The following EPC2 variants were observed in gnomAD, a reference collection of about 807,000 sequenced individuals.
EPC2 encodes the protein enhancer of polycomb homolog 2.
A neutral mutation model predicts 92.1 loss-of-function variants in EPC2; 14 were observed. That is an observed-to-expected ratio of 0.15 (90% confidence interval 0.10 to 0.24). The LOEUF is 0.24. Among genes scored for constraint, EPC2 ranks in the 10% least tolerant of loss-of-function variants. The probability of loss-of-function intolerance (pLI) is 1.00; values close to 1 mark genes in which losing one functional copy is unlikely to be tolerated. For missense variants in EPC2, 755 were observed against 971.5 expected (o/e 0.78, Z 2.96); for synonymous variants, 340 against 334.7 (o/e 1.02, Z -0.17).
At chr2:148,656,024 T>TGTGTGTGTGTGGG (rs1553537686) in intron 1 of EPC2, among the ~76,000 whole-genome samples, 1 of 111,654 alleles carries the variant, frequency 9.0e-6, no homozygotes, top group African/African-American at 4.0e-5. Flanking sequence ...TGTGTGTGTG[T>TGTGTGTGTGTGGG]GGGGGGGGGG....
intron 2 of EPC2, among the ~76,000 whole-genome samples, chr2:148,717,862 A>G (rs1394573823): frequency 2.0e-5 from 3 of 152,132 alleles, no homozygotes; most frequent in African/African-American, 4.8e-5. Context: ...GTCTCCCACT[A>G]TTATTGTGTG....
chr2:148,645,201 TCCCTCCTCCCCCCTC>T (rs761892283), intron 1 of EPC2, 31 bp downstream of exon 1: 4 of 1,485,882 alleles, frequency 2.7e-6, no homozygotes, highest in Non-Finnish European at 3.7e-6. Context: ...TACCCCCCCT[TCCCTCCTCCCCCCTC>T]CCCTTTGTCA....
chr2:148,762,636 CA>C, intron 5 of EPC2, 33 bp from the exon 6 acceptor site: 1 of 1,480,012 alleles, frequency 6.8e-7, no homozygotes, highest in East Asian at 2.4e-5. Context: ...TCAAACTATG[CA>C]ATGTTTTCTT....
At chr2:148,695,542 A>C (rs1219790626) in intron 2 of EPC2, among the ~76,000 whole-genome samples, 1 of 152,236 alleles carries the variant, frequency 6.6e-6, no homozygotes, top group African/African-American at 2.4e-5. Flanking sequence ...GTTAAAATAG[A>C]TGCTGGCCTG....
intron 5 of EPC2, 46 bp from the exon 6 acceptor site, chr2:148,762,624 T>G (rs750766397): frequency 2.1e-5 from 29 of 1,398,550 alleles, no homozygotes; most frequent in Non-Finnish European, 2.7e-5. Flanking sequence ...CCTTCTTTAT[T>G]GTCAAACTAT....
chr2:148,785,177 G>A (rs1003643154), intron 13 of EPC2, among the ~76,000 whole-genome samples, 176 bp downstream of exon 13: 1 of 152,156 alleles, frequency 6.6e-6, no homozygotes, highest in African/African-American at 2.4e-5. Flanking sequence ...AAGGTGCCTA[G>A]TAGGATGCTT....
chr2:148,669,175 A>G (rs1323628184), intron 1 of EPC2, among the ~76,000 whole-genome samples: 22 of 152,104 alleles, frequency 1.4e-4, no homozygotes. Flanking sequence ...TACATTTAAT[A>G]TGATTTTTAG....
At chr2:148,652,945 C>T (rs933257943) in intron 1 of EPC2, among the ~76,000 whole-genome samples, 3 of 152,134 alleles carry the variant, frequency 2.0e-5, no homozygotes, top group African/African-American at 4.8e-5. Flanking sequence ...TACTTTTAGT[C>T]TTTACCACTT....
At chr2:148,702,002 G>T (rs1681898712) in intron 2 of EPC2, among the ~76,000 whole-genome samples, 1 of 151,964 alleles carries the variant, frequency 6.6e-6, no homozygotes, top group East Asian at 1.9e-4. Flanking sequence ...TAGTTGTTCT[G>T]TGCTTATCAT....
intron 1 of EPC2, among the ~76,000 whole-genome samples, chr2:148,689,986 T>TAA (rs11371312): frequency 6.6e-6 from 1 of 151,730 alleles, no homozygotes; most frequent in East Asian, 1.9e-4. Context: ...TAATTTTGTT[T>TAA]AAAAAATTCT....
At chr2:148,773,205 A>G (rs1188352025) in intron 10 of EPC2, among the ~76,000 whole-genome samples, 2 of 152,090 alleles carry the variant, frequency 1.3e-5, no homozygotes, top group African/African-American at 4.8e-5. Context: ...TAGTTCCATT[A>G]TAATCACCTC....
Position 148,743,627 on chromosome 2 carries a change from A to G in EPC2, c.319A>G (p.Asn107Asp). 15 of 1,564,770 alleles carry G rather than the reference A, an allele frequency of 9.6e-6. No homozygotes were observed. The highest frequency in any genetic ancestry group is 1.3e-5 in the Non-Finnish European group (15 of 1,161,758). ...PKQFIHIQPF[N>D]LDNEQPDYDM... is the part of the protein sequence containing the mutation. The stretch of plus-strand genomic sequence containing the variant: ...AATTTTTCTTTCTTTTCTAGCTTTT[A>G]ATCTAGACAACGAGCAACCAGATTA... The change falls in exon 3 of 14, where the codon AAT becomes GAT. Residue 107 changes from asparagine (N) to aspartate (D), a missense_variant. Asn to Asp is a conservative substitution (Grantham distance 23, BLOSUM62 1). This residue lies in a region of EPC2 where 509 missense variants were observed against 607.7 expected (regional missense o/e 0.84). Transcript: ENST00000258484.
chr2:148,764,727 A>G (rs1683374478), intron 6 of EPC2, among the ~76,000 whole-genome samples: 1 of 152,204 alleles, frequency 6.6e-6, no homozygotes, highest in African/African-American at 2.4e-5. Flanking sequence ...TAAAGTAGTG[A>G]TAATAATGTA....
intron 2 of EPC2, among the ~76,000 whole-genome samples, chr2:148,727,451 T>TA (rs569291769): frequency 5.3e-5 from 8 of 152,248 alleles, no homozygotes; most frequent in Admixed American, 2.6e-4. Flanking sequence ...ACAACTCTGT[T>TA]AAAAAATAAA....
chr2:148,683,667 A>G (rs1386992675), intron 1 of EPC2, among the ~76,000 whole-genome samples: 1 of 152,218 alleles, frequency 6.6e-6, no homozygotes, highest in Non-Finnish European at 1.5e-5. Flanking sequence ...TTCATTTAGA[A>G]TAATGGTCTT....
chr2:148,656,679 G>A (rs1431131258), intron 1 of EPC2, among the ~76,000 whole-genome samples: 2 of 152,104 alleles, frequency 1.3e-5, no homozygotes, highest in Non-Finnish European at 2.9e-5. Flanking sequence ...ATGGCATATT[G>A]GTATTTGCTC....
rs1683385331 is a variant in EPC2, at chr2:148,765,153, G to A, written c.1140+7G>A. The A allele has an allele frequency of 6.6e-7, 1 of 1,516,224 alleles. No individual in the cohort carries two copies. The highest frequency in any genetic ancestry group is 1.3e-5 in the South Asian group (1 of 74,162). 93.9% of individuals were successfully genotyped at this position (1,516,224 alleles called of 1,614,324 possible). A position where few individuals can be genotyped will look rare whatever the true frequency, so the allele number is the denominator to read the frequency against. On this transcript the variant is annotated splice_region_variant and intron_variant, in intron 7 of 13. Transcript: ENST00000258484. ...TGAAGATGAATTTCCACAGGTGCTT[G>A]TTTTAAAATATTTTAAAGATATTTC... is the stretch of plus-strand genomic sequence containing the variant.
chr2:148,736,521 T>C (rs1400631528), intron 2 of EPC2, among the ~76,000 whole-genome samples: 1 of 152,116 alleles, frequency 6.6e-6, no homozygotes, highest in Non-Finnish European at 1.5e-5. Context: ...GGGGTGTTCA[T>C]TACTACTGGG....
chr2:148,690,864 T>A (rs1028378794), intron 2 of EPC2, among the ~76,000 whole-genome samples: 50 of 152,296 alleles, frequency 3.3e-4, no homozygotes, highest in African/African-American at 1.2e-3. Context: ...GATTTCGTCT[T>A]GTTGGCCAGG....
Sources: allele counts gnomAD v4.1 joint callset (sites outside exome capture counted in the v4.1 genomes callset), GRCh38; gene constraint gnomAD v4.1.1; regional missense constraint gnomAD v4.1.1; transcripts MANE v1.5; gene names NCBI Gene and HGNC (gene_info 2026-07-23, HGNC 2026-07-21).